The following PHACTR1 variants were observed in gnomAD, a reference collection of about 807,000 sequenced individuals.
The protein encoded by PHACTR1 is phosphatase and actin regulator 1.
PHACTR1 carries 16 observed loss-of-function variants against 69.2 expected under a neutral mutation model. The observed-to-expected ratio is 0.23, with a 90% confidence interval of 0.16 to 0.35. The LOEUF is 0.35. PHACTR1 is among the 10% of genes least tolerant of loss of function. The pLI, the probability that PHACTR1 is intolerant of heterozygous loss-of-function variation, is 1.00. For missense variants in PHACTR1, 510 were observed against 734.7 expected (o/e 0.69, Z 3.54); for synonymous variants, 312 against 284.5 (o/e 1.10, Z -0.97).
chr6:12,726,388 G>T (rs536406181), intron 3 of PHACTR1, among the ~76,000 whole-genome samples: 3 of 152,296 alleles, frequency 2.0e-5, no homozygotes, highest in African/African-American at 4.8e-5. Context: ...TGTCCAGAAA[G>T]CCAGCTCTGA....
intron 4 of PHACTR1, among the ~76,000 whole-genome samples, chr6:12,879,628 A>T (rs1366271703): frequency 6.6e-6 from 1 of 152,210 alleles, no homozygotes; most frequent in African/African-American, 2.4e-5. Flanking sequence ...ACTCGTAATG[A>T]TATCAATAGC....
intron 6 of PHACTR1, 120 bp from the exon 7 acceptor site, chr6:13,182,399 T>A: frequency 8.8e-7 from 1 of 1,135,860 alleles, no homozygotes; most frequent in Non-Finnish European, 1.3e-6. Context: ...ATAACAGATG[T>A]TGGTTTCAGA....
At chr6:12,849,859 T>A (rs1283046037) in intron 4 of PHACTR1, among the ~76,000 whole-genome samples, 1 of 152,190 alleles carries the variant, frequency 6.6e-6, no homozygotes, top group Non-Finnish European at 1.5e-5. Context: ...AAACCATTAA[T>A]TAATTATTAA....
chr6:13,023,450 G>T (rs916073155), intron 4 of PHACTR1, among the ~76,000 whole-genome samples: 2 of 152,094 alleles, frequency 1.3e-5, no homozygotes, highest in Non-Finnish European at 2.9e-5. Flanking sequence ...TGCCTCCACG[G>T]TAATTATTTT....
chr6:13,050,659 C>T (rs1228426814), intron 4 of PHACTR1, among the ~76,000 whole-genome samples: 1 of 152,168 alleles, frequency 6.6e-6, no homozygotes, highest in Non-Finnish European at 1.5e-5. Context: ...CTCAATAGTT[C>T]TTCATTACCT....
At chr6:13,033,933 T>C (rs1802858002) in intron 4 of PHACTR1, among the ~76,000 whole-genome samples, 1 of 152,138 alleles carries the variant, frequency 6.6e-6, no homozygotes, top group Non-Finnish European at 1.5e-5. Context: ...TTCAAGAAAA[T>C]CTGAAATTGT....
chr6:12,810,967 G>A (rs907034570), intron 4 of PHACTR1, among the ~76,000 whole-genome samples: 3 of 152,156 alleles, frequency 2.0e-5, no homozygotes, highest in African/African-American at 7.2e-5. Context: ...TCATTGACGC[G>A]CTTTGTGTCA....
chr6:13,131,208 T>TACACACACACACAC (rs56329629), intron 5 of PHACTR1, among the ~76,000 whole-genome samples: 2 of 146,370 alleles, frequency 1.4e-5, no homozygotes, highest in African/African-American at 2.6e-5. Flanking sequence ...TATATACACA[T>TACACACACACACAC]ACACACACAC....
intron 4 of PHACTR1, among the ~76,000 whole-genome samples, chr6:12,916,915 T>A (rs1356602098): frequency 1.3e-5 from 2 of 152,126 alleles, no homozygotes; most frequent in East Asian, 3.8e-4. Flanking sequence ...GTCAAAGTGA[T>A]GAATGACTAA....
At chr6:12,792,158 G>A (rs1386461953) in intron 4 of PHACTR1, among the ~76,000 whole-genome samples, 1 of 152,016 alleles carries the variant, frequency 6.6e-6, no homozygotes, top group African/African-American at 2.4e-5. Context: ...TTGCACCATA[G>A]TTTGTGGTTA....
chr6:12,860,579 T>C (rs1780839943), intron 4 of PHACTR1, among the ~76,000 whole-genome samples: 1 of 152,196 alleles, frequency 6.6e-6, no homozygotes, highest in Non-Finnish European at 1.5e-5. Flanking sequence ...CACACTGTCT[T>C]CCACAATGGT....
At chr6:13,069,760 A>G (rs765366003) in intron 5 of PHACTR1, among the ~76,000 whole-genome samples, 14 of 152,168 alleles carry the variant, frequency 9.2e-5, no homozygotes, top group Non-Finnish European at 1.9e-4. Flanking sequence ...TCATATTACT[A>G]TGTATTAATA....
Position 13,278,329 on chromosome 6 carries a change from G to A in PHACTR1, c.1509G>A (p.Lys503=), listed in dbSNP as rs1364365348. Residue 503 remains lysine, a splice_region_variant and synonymous_variant, in exon 12 of 15, where the codon AAG becomes AAA. Coordinates refer to ENST00000332995, the MANE Select transcript of PHACTR1 (RefSeq NM_030948.6). Reference sequence around the variant, plus strand: ...AGATCAAGAGGAGGCTAACCCGAAAGGTAGGTGGTTCTCCATGCCAAGAGC... The same window carrying A: ...AGATCAAGAGGAGGCTAACCCGAAAAGTAGGTGGTTCTCCATGCCAAGAGC... ...KREIKRRLTR[K]LSQRPTVEEL... is the part of the protein sequence containing the mutation. The A allele has an allele frequency of 6.3e-7, 1 of 1,595,918 alleles. No individual in the cohort carries two copies. The highest frequency in any genetic ancestry group is 8.5e-7 in the Non-Finnish European group (1 of 1,171,088).
chr6:13,215,546 A>G (rs115423603), intron 8 of PHACTR1, among the ~76,000 whole-genome samples: 2,375 of 152,322 alleles, frequency 0.016, 55 homozygotes, highest in African/African-American at 0.054. Flanking sequence ...TTTAGAAGAC[A>G]TAGCATAGAG....
intron 4 of PHACTR1, among the ~76,000 whole-genome samples, chr6:12,792,489 A>AAAAAAAAAAAAAAC (rs1772439895): frequency 6.7e-6 from 1 of 148,490 alleles, no homozygotes; most frequent in Non-Finnish European, 1.5e-5. Context: ...AAAAAAAAAA[A>AAAAAAAAAAAAAAC]AAAAGAAGAT....
At chr6:12,941,310 T>C (rs1790031219) in intron 4 of PHACTR1, among the ~76,000 whole-genome samples, 1 of 152,226 alleles carries the variant, frequency 6.6e-6, no homozygotes, top group Admixed American at 6.5e-5. Context: ...TCACATATTC[T>C]GTGTCACATC....
At chr6:12,727,359 C>T (rs969083491) in intron 3 of PHACTR1, among the ~76,000 whole-genome samples, 2 of 152,172 alleles carry the variant, frequency 1.3e-5, no homozygotes, top group Non-Finnish European at 2.9e-5. Context: ...CAGGACAATT[C>T]TCCGTAGGCA....
At position 13,283,863 on chromosome 6, in the gene PHACTR1, G is replaced by C; in HGVS notation, c.1650+301G>C. On this transcript the variant is annotated intron_variant, in intron 13 of 14. Transcript: ENST00000332995. The surrounding 1 kb of genome is among the most constrained non-coding windows in gnomAD (Gnocchi z 4.7). ...ACTGGATAGGTGTAGACAGGTGAAGGCAAGAGGCTCCAGGCTCATCACAGC... is the reference window on the plus strand; with the variant it reads ...ACTGGATAGGTGTAGACAGGTGAAGCCAAGAGGCTCCAGGCTCATCACAGC... The C allele has an allele frequency of 2.6e-6, 1 of 385,076 alleles. No individual in the cohort carries two copies. Among genetic ancestry groups the C allele is most frequent in the Non-Finnish European group, 4.9e-6 (1 of 204,418 alleles). The allele number at this position is 385,076 out of a possible 1,614,324, so 23.9% of individuals were successfully genotyped here.
intron 3 of PHACTR1, among the ~76,000 whole-genome samples, chr6:12,721,108 T>C (rs1762065892): frequency 6.6e-6 from 1 of 152,140 alleles, no homozygotes; most frequent in African/African-American, 2.4e-5. Context: ...ATAATGGGCC[T>C]GGCACAGTGG....
Sources: gnomAD v4.1 joint callset for allele counts (sites outside exome capture counted in the v4.1 genomes callset) on GRCh38, gnomAD v4.1.1 for gene constraint, Gnocchi (gnomAD v3.1) non-coding constraint, MANE v1.5 for transcripts, NCBI Gene and HGNC (gene_info 2026-07-23, HGNC 2026-07-21) for gene names.